Variants in TUSC3 observed in about 807,000 individuals in gnomAD.
TUSC3 encodes the protein tumor suppressor candidate 3.
TUSC3 carries 45 observed loss-of-function variants against 44.8 expected under a neutral mutation model. That is an observed-to-expected ratio of 1.00 (90% CI 0.79 to 1.29). The LOEUF (loss-of-function observed/expected upper bound fraction) is 1.29, where lower values mean the gene tolerates loss of function less well. TUSC3 is among the 50% of genes most tolerant of loss of function. The pLI, the probability that TUSC3 is intolerant of heterozygous loss-of-function variation, is 0.00. For synonymous variants in TUSC3, 212 were observed against 152.9 expected (o/e 1.39, Z -2.85); for missense variants, 519 against 437.9 (o/e 1.19, Z -1.65).
intron 2 of TUSC3, among the ~76,000 whole-genome samples, chr8:15,534,992 A>T (rs145040375): frequency 6.6e-6 from 1 of 152,170 alleles, no homozygotes; most frequent in Non-Finnish European, 1.5e-5. Flanking sequence ...TTGTCTATTA[A>T]GCTAGGTTAC....
At chr8:15,582,275 C>T (rs566626414) in intron 1 of TUSC3, among the ~76,000 whole-genome samples, 74 of 152,292 alleles carry the variant, frequency 4.9e-4, no homozygotes, top group African/African-American at 1.5e-3. Flanking sequence ...TCTTCTGGGT[C>T]GCTCACGCTG....
chr8:15,700,476 G>T (rs1329735858), intron 6 of TUSC3, among the ~76,000 whole-genome samples: 2 of 152,066 alleles, frequency 1.3e-5, no homozygotes, highest in Non-Finnish European at 2.9e-5. Context: ...TTTTCCTTAG[G>T]CTGGATATTG....
rs532744423 is a variant in TUSC3 at position 15,605,957 on chromosome 8, GC to G, written c.139-17120del. ...TATGACACTGATCATCTCCATGTGAGCCCTTCATCTCTCCAGTGAGTTGCAT... is the reference window on the plus strand; with the variant it reads ...TATGACACTGATCATCTCCATGTGAGCCTTCATCTCTCCAGTGAGTTGCAT... On this transcript the variant is annotated intron_variant, in intron 1 of 10. Transcript: ENST00000503731. Among the ~76,000 whole-genome samples, 8 of 152,084 alleles carry G rather than the reference GC, an allele frequency of 5.3e-5. No homozygotes were observed. In the South Asian group the frequency reaches 1.7e-3, roughly 31 times the overall value.
At chr8:15,692,703 C>T (rs766039158) in intron 6 of TUSC3, among the ~76,000 whole-genome samples, 1 of 151,218 alleles carries the variant, frequency 6.6e-6, no homozygotes, top group Non-Finnish European at 1.5e-5. Context: ...CGTAGCACCC[C>T]CTTTGTCATT....
intron 1 of TUSC3, among the ~76,000 whole-genome samples, chr8:15,565,337 T>C (rs2129141423): frequency 6.6e-6 from 1 of 152,252 alleles, no homozygotes; most frequent in East Asian, 1.9e-4. Context: ...ACCTGGCTAA[T>C]ATAGGATAAT....
At chr8:15,796,660 G>A in the TUSC3 span, among the ~76,000 whole-genome samples, 1 of 152,232 alleles carries the variant, frequency 6.6e-6, no homozygotes. Flanking sequence ...AGGCTCCACT[G>A]AGGTAGCAGC....
At chr8:15,433,523 A>T (rs974981268) in intron 1 of TUSC3, among the ~76,000 whole-genome samples, 2 of 152,022 alleles carry the variant, frequency 1.3e-5, no homozygotes, top group African/African-American at 4.8e-5. Flanking sequence ...GTTCTCATTC[A>T]AAATAGCTCC....
chr8:15,617,780 T>C (rs778136246), intron 1 of TUSC3, among the ~76,000 whole-genome samples: 1 of 152,230 alleles, frequency 6.6e-6, no homozygotes, highest in Non-Finnish European at 1.5e-5. Flanking sequence ...GTTTGGTTTT[T>C]ATTTTGAAAC....
intron 2 of TUSC3, among the ~76,000 whole-genome samples, chr8:15,492,956 C>T (rs1022094707): frequency 6.6e-6 from 1 of 152,042 alleles, no homozygotes; most frequent in African/African-American, 2.4e-5. Flanking sequence ...TGCCACTGCA[C>T]TCCAGCCTGT....
intron 1 of TUSC3, among the ~76,000 whole-genome samples, chr8:15,563,928 A>G (rs1338342628): frequency 6.6e-6 from 1 of 152,074 alleles, no homozygotes; most frequent in African/African-American, 2.4e-5. Context: ...TTTCATGAGG[A>G]TATGAACAAT....
At chr8:15,847,399 A>G in the TUSC3 span, among the ~76,000 whole-genome samples, 5 of 152,094 alleles carry the variant, frequency 3.3e-5, no homozygotes, top group Admixed American at 1.3e-4. Flanking sequence ...CTGTTGTGCA[A>G]AATCTCTCAT....
intron 1 of TUSC3, among the ~76,000 whole-genome samples, chr8:15,604,612 A>G (rs1170661358): frequency 1.3e-5 from 2 of 151,820 alleles, no homozygotes; most frequent in African/African-American, 4.8e-5. Context: ...TCAGGTACAT[A>G]TGGGTTACTG....
At chr8:15,500,783 G>T (rs535735434) in intron 2 of TUSC3, among the ~76,000 whole-genome samples, 3 of 152,226 alleles carry the variant, frequency 2.0e-5, no homozygotes, top group African/African-American at 4.8e-5. Context: ...AACTTGAAAA[G>T]TCCCATGATT....
intron 6 of TUSC3, among the ~76,000 whole-genome samples, chr8:15,721,177 G>A (rs1810293153): frequency 6.6e-6 from 1 of 151,910 alleles, no homozygotes; most frequent in Admixed American, 6.6e-5. Context: ...CTTAGAAAAT[G>A]AATTACAGAG....
At chr8:15,677,082 G>A (rs1035402156) in intron 6 of TUSC3, among the ~76,000 whole-genome samples, 3 of 151,912 alleles carry the variant, frequency 2.0e-5, no homozygotes, top group Non-Finnish European at 2.9e-5. Flanking sequence ...GCAGTGGTAC[G>A]ATCATAGCTC....
chr8:15,802,997 G>A, the TUSC3 span, among the ~76,000 whole-genome samples: 1 of 152,138 alleles, frequency 6.6e-6, no homozygotes, highest in Non-Finnish European at 1.5e-5. Context: ...GTGTGATTCA[G>A]TAAACAACTT....
At chr8:15,499,360 C>T (rs988710411) in intron 2 of TUSC3, among the ~76,000 whole-genome samples, 1 of 152,200 alleles carries the variant, frequency 6.6e-6, no homozygotes, top group African/African-American at 2.4e-5. Context: ...CCCATGTTAA[C>T]ATCATCAAAT....
At chr8:15,508,088 A>G (rs1339648661) in intron 2 of TUSC3, among the ~76,000 whole-genome samples, 1 of 152,092 alleles carries the variant, frequency 6.6e-6, no homozygotes, top group African/African-American at 2.4e-5. Flanking sequence ...TAAAAATACA[A>G]AAATTAGCCA....
chr8:15,606,348 C>T (rs1251537800), intron 1 of TUSC3, among the ~76,000 whole-genome samples: 2 of 151,966 alleles, frequency 1.3e-5, no homozygotes, highest in Non-Finnish European at 2.9e-5. Flanking sequence ...GCATATAATA[C>T]ATGTACAAAA....
Sources: allele counts gnomAD v4.1 joint callset (sites outside exome capture counted in the v4.1 genomes callset), GRCh38; gene constraint gnomAD v4.1.1; transcripts MANE v1.5; gene names NCBI Gene and HGNC (gene_info 2026-07-23, HGNC 2026-07-21).